RORA: variants seen among roughly 807,000 people sequenced by gnomAD.
RORA encodes RAR related orphan receptor A.
RORA carries 7 observed loss-of-function variants against 69.5 expected under a neutral mutation model. The ratio of observed to expected loss-of-function variants is 0.10; its 90% CI spans 0.06 to 0.19. The LOEUF (loss-of-function observed/expected upper bound fraction) is 0.19. Among genes scored for constraint, RORA ranks in the 10% least tolerant of loss-of-function variants. The pLI, the probability that RORA is intolerant of heterozygous loss-of-function variation, is 1.00. For missense variants in RORA, 457 were observed against 663.0 expected (o/e 0.69, Z 3.41); for synonymous variants, 261 against 240.8 (o/e 1.08, Z -0.78).
At chr15:60,563,905 T>C (rs557768488) in intron 2 of RORA, among the ~76,000 whole-genome samples, 12 of 152,316 alleles carry the variant, frequency 7.9e-5, no homozygotes, top group Middle Eastern at 3.4e-3. Context: ...AGACATGGCA[T>C]TCAGTGTTGT....
chr15:60,815,782 C>T (rs1010850891), intron 1 of RORA, among the ~76,000 whole-genome samples: 1 of 151,450 alleles, frequency 6.6e-6, no homozygotes, highest in African/African-American at 2.4e-5. Context: ...CACTCTGTTC[C>T]TCCATTCTGA....
intron 1 of RORA, among the ~76,000 whole-genome samples, chr15:61,150,833 A>G (rs1371827070): frequency 6.6e-6 from 1 of 152,154 alleles, no homozygotes; most frequent in East Asian, 1.9e-4. Flanking sequence ...GAAAATTGCC[A>G]TTTCTCTACT....
intron 1 of RORA, among the ~76,000 whole-genome samples, chr15:60,960,720 C>T (rs112242285): frequency 4.6e-5 from 7 of 151,640 alleles, no homozygotes; most frequent in Admixed American, 1.3e-4. Flanking sequence ...ATGACTTCTA[C>T]GGGCCTCCAA....
At chr15:61,193,754 T>C (rs981603439) in intron 1 of RORA, among the ~76,000 whole-genome samples, 2 of 152,222 alleles carry the variant, frequency 1.3e-5, no homozygotes, top group African/African-American at 2.4e-5. Flanking sequence ...GTTGTGGAAA[T>C]TGAGACCCAG....
At chr15:60,695,618 A>G (rs577124026) in intron 1 of RORA, among the ~76,000 whole-genome samples, 1 of 152,224 alleles carries the variant, frequency 6.6e-6, no homozygotes, top group Admixed American at 6.5e-5. Flanking sequence ...AACAAAGAAA[A>G]CAAGTCATCA....
intron 2 of RORA, among the ~76,000 whole-genome samples, chr15:60,674,668 T>C (rs1245960542): frequency 6.6e-6 from 1 of 152,230 alleles, no homozygotes; most frequent in Non-Finnish European, 1.5e-5. Context: ...ATCAAACATT[T>C]GAAAATGTAC....
chr15:61,006,043 A>T (rs1462707738), intron 1 of RORA, among the ~76,000 whole-genome samples: 1 of 152,042 alleles, frequency 6.6e-6, no homozygotes, highest in Non-Finnish European at 1.5e-5. Flanking sequence ...ATCTTGGCTC[A>T]CTGCAACCTC....
intron 2 of RORA, among the ~76,000 whole-genome samples, chr15:60,538,642 A>G (rs1246953645): frequency 2.0e-5 from 3 of 152,180 alleles, no homozygotes; most frequent in Non-Finnish European, 2.9e-5. Context: ...TCTTATTCAC[A>G]ACTTAGAAGA....
intron 1 of RORA, among the ~76,000 whole-genome samples, chr15:60,980,893 T>C (rs1293532888): frequency 6.6e-6 from 1 of 152,042 alleles, no homozygotes; most frequent in Admixed American, 6.5e-5. Flanking sequence ...TTATTATTCT[T>C]TTCTTCTGTT....
intron 1 of RORA, among the ~76,000 whole-genome samples, chr15:61,091,967 C>T (rs2140714266): frequency 6.6e-6 from 1 of 152,288 alleles, no homozygotes; most frequent in East Asian, 1.9e-4. Context: ...GCCCCCAAGA[C>T]TAGCTTTTAT....
rs1301607170 is a variant in RORA, at chr15:61,192,237, C to T, written c.166+36816G>A. On this transcript the variant is annotated intron_variant, in intron 1 of 10. Transcript: ENST00000335670. ...CCTCTCATTTAGACAGGCTGCTCTT[C>T]GCTATAAAATAGTCATTCTGTAAAT... Among the ~76,000 whole-genome samples the T allele has an allele frequency of 6.6e-5, 10 of 152,320 alleles. No individual in the cohort carries two copies. In the East Asian group the frequency reaches 1.4e-3, roughly 21 times the overall value.
chr15:60,521,075 A>T (rs12905438), intron 3 of RORA, among the ~76,000 whole-genome samples: 48,592 of 151,636 alleles, frequency 0.32, 9,492 homozygotes, highest in African/African-American at 0.54. Flanking sequence ...CAGTTGACAT[A>T]TAGGTGATGC....
chr15:60,721,041 A>T (rs1419463320), intron 1 of RORA, among the ~76,000 whole-genome samples: 4 of 152,028 alleles, frequency 2.6e-5, no homozygotes, highest in Non-Finnish European at 5.9e-5. Context: ...ACCATCAATC[A>T]AACAAACAGA....
intron 1 of RORA, among the ~76,000 whole-genome samples, chr15:60,825,292 C>T (rs1304881494): frequency 6.6e-6 from 1 of 152,138 alleles, no homozygotes; most frequent in African/African-American, 2.4e-5. Flanking sequence ...ACCACCCAAG[C>T]ACAGAGAAGG....
intron 2 of RORA, among the ~76,000 whole-genome samples, chr15:60,675,425 C>T (rs1349311039): frequency 1.3e-5 from 2 of 152,292 alleles, no homozygotes; most frequent in East Asian, 3.9e-4. Flanking sequence ...TTTATGTTTG[C>T]ACACCAAAAA....
chr15:61,058,911 T>A (rs577927288), intron 1 of RORA, among the ~76,000 whole-genome samples: 2 of 152,198 alleles, frequency 1.3e-5, no homozygotes, highest in Non-Finnish European at 2.9e-5. Context: ...AGGTTTCATT[T>A]TGGAGGAAGA....
rs548366622 is a variant in RORA, at chr15:60,903,489, T to C, written c.167-224803A>G. Among the ~76,000 whole-genome samples the C allele has an allele frequency of 1.1e-3, 172 of 152,362 alleles. 3 individuals carry two copies. Among genetic ancestry groups the C allele is most frequent in the African/African-American group, 3.2e-3 (133 of 41,580 alleles). On this transcript the variant is annotated intron_variant, in intron 1 of 10. Coordinates refer to ENST00000335670, the MANE Select transcript of RORA (RefSeq NM_134261.3). ...TCAGTCATCCTCAGAGTCCTAATTC[T>C]GTCCAGTTTGCATCAGGCCTCCTCA...
chr15:61,047,295 G>C (rs1201544456), intron 1 of RORA, among the ~76,000 whole-genome samples: 1 of 152,242 alleles, frequency 6.6e-6, no homozygotes, highest in Non-Finnish European at 1.5e-5. Context: ...ACAGGATTAG[G>C]AAATAAGACA....
chr15:60,514,245 A>C (rs1309570519), intron 4 of RORA, among the ~76,000 whole-genome samples: 1 of 152,214 alleles, frequency 6.6e-6, no homozygotes, highest in African/African-American at 2.4e-5. Flanking sequence ...GTTGTGGTTC[A>C]CATTTCCTGC....
Sources: allele counts gnomAD v4.1 joint callset (sites outside exome capture counted in the v4.1 genomes callset), GRCh38; gene constraint gnomAD v4.1.1; transcripts MANE v1.5; gene names NCBI Gene and HGNC (gene_info 2026-07-23, HGNC 2026-07-21).